Variants in WDFY4 observed in about 807,000 individuals in gnomAD.
WDFY4 encodes the protein WD repeat- and FYVE domain-containing protein 4.
Under a neutral mutation model 351.9 loss-of-function variants are expected in WDFY4, and 169 were observed. That is an observed-to-expected ratio of 0.48 (90% CI 0.42 to 0.55). The LOEUF is 0.55. Among genes scored for constraint, WDFY4 ranks in the 20% least tolerant of loss-of-function variants. WDFY4 has a pLI of 0.00. For missense variants in WDFY4, 3,803 were observed against 3,935.6 expected (o/e 0.97, Z 0.90); for synonymous variants, 1,622 against 1,574.6 (o/e 1.03, Z -0.71).
In WDFY4 at chr10:48,799,043, G is replaced by A. The variant is rs549435675; in HGVS notation, c.4410+2593G>A. ...CAACCGCTGCTGCCCCTTCTGAAGT[G>A]CTGTGGCCATGCTCAGCCAGTCTGG... On this transcript the variant is annotated intron_variant, in intron 24 of 61. Transcript: ENST00000325239. 2.6e-5 allele frequency among the ~76,000 whole-genome samples: 4 copies of A among 152,296 alleles called. No homozygotes were observed. The East Asian group carries it at 7.7e-4, about 29-fold the overall frequency.
rs2064896331 is a variant in WDFY4 at position 48,742,887 on chromosome 10, A to G, written c.1879-81A>G. 21 of 1,314,490 alleles carry G rather than the reference A, an allele frequency of 1.6e-5. No homozygotes were observed. The South Asian group carries it at 2.9e-4, about 18-fold the overall frequency. 81.4% of individuals were successfully genotyped at this position (1,314,490 alleles called of 1,614,324 possible). On this transcript the variant is annotated intron_variant, in intron 11 of 61. Transcript: ENST00000325239. The stretch of plus-strand genomic sequence containing the variant: ...AGTCGTTGAGGGAAGAGCTAGTGGG[A>G]CGCTCTGGCAGGAATGTGTGTGGGC...
chr10:48,758,192 T>C (rs550767844), intron 12 of WDFY4, among the ~76,000 whole-genome samples: 2 of 152,178 alleles, frequency 1.3e-5, no homozygotes, highest in Non-Finnish European at 2.9e-5. Context: ...TCTGGAAGCA[T>C]GTGGATATGG....
chr10:48,879,316 A>G (rs1395269403), intron 43 of WDFY4, among the ~76,000 whole-genome samples: 3 of 152,224 alleles, frequency 2.0e-5, no homozygotes, highest in African/African-American at 4.8e-5. Context: ...GGCAGAGGCC[A>G]GGGCTACTGC....
intron 53 of WDFY4, among the ~76,000 whole-genome samples, chr10:48,960,735 A>G (rs1170392252): frequency 6.6e-6 from 1 of 152,256 alleles, no homozygotes; most frequent in Non-Finnish European, 1.5e-5. Flanking sequence ...ACTCAGCAGT[A>G]AAAAGGAGCA....
intron 47 of WDFY4, among the ~76,000 whole-genome samples, chr10:48,922,451 A>G (rs1357670953): frequency 6.6e-6 from 1 of 152,178 alleles, no homozygotes; most frequent in African/African-American, 2.4e-5. Flanking sequence ...AAAACAAATC[A>G]TATGCTGAGG....
intron 50 of WDFY4, 147 bp from the exon 51 acceptor site, chr10:48,946,713 T>G: frequency 3.1e-6 from 2 of 635,684 alleles, no homozygotes; most frequent in Non-Finnish European, 5.5e-6. Context: ...TCTTATTGCC[T>G]GAATGTTTTA....
chr10:48,832,770 CAT>C, intron 39 of WDFY4, 61 bp downstream of exon 39: 1 of 1,437,554 alleles, frequency 7.0e-7, no homozygotes, highest in Non-Finnish European at 9.2e-7. Flanking sequence ...CCCCATGAGT[CAT>C]ATCTCTTCTT....
At position 48,699,547 on chromosome 10, in the gene WDFY4, A is replaced by C. The variant is rs77785395; in HGVS notation, c.-17-10169A>C. Among the ~76,000 whole-genome samples, 600 of 152,266 alleles carry C rather than the reference A, an allele frequency of 3.9e-3. 6 individuals carry two copies. The highest frequency in any genetic ancestry group is 0.014 in the African/African-American group (584 of 41,548). The stretch of plus-strand genomic sequence containing the variant: ...GTGGAGAGGTTTTGGAGGCAGACAG[A>C]TCTGGACCTCAGTGAGTTGCAGGCT... On this transcript the variant is annotated intron_variant, in intron 1 of 61. Transcript: ENST00000325239.
chr10:48,719,851 G>A (rs1465855670), intron 2 of WDFY4, among the ~76,000 whole-genome samples, 160 bp from the exon 3 acceptor site: 1 of 152,218 alleles, frequency 6.6e-6, no homozygotes, highest in Non-Finnish European at 1.5e-5. Flanking sequence ...AGGGATGATG[G>A]TTGAGGCTGT....
At chr10:48,724,823 TA>T (rs531046464) in intron 5 of WDFY4, among the ~76,000 whole-genome samples, 125 of 152,198 alleles carry the variant, frequency 8.2e-4, no homozygotes, top group African/African-American at 3.0e-3. Context: ...TGTTAGCAAT[TA>T]AAAAAATAGA....
chr10:48,707,858 C>T (rs1211152610), intron 1 of WDFY4, among the ~76,000 whole-genome samples: 1 of 152,116 alleles, frequency 6.6e-6, no homozygotes, highest in Non-Finnish European at 1.5e-5. Context: ...CACAGCCAGA[C>T]AGGAGCCCAC....
At chr10:48,810,834 T>A in intron 29 of WDFY4, 99 bp downstream of exon 29, 1 of 1,264,386 alleles carries the variant, frequency 7.9e-7, no homozygotes, top group Non-Finnish European at 1.1e-6. Flanking sequence ...CCATCACAGC[T>A]CTGTGCAGCA....
At chr10:48,798,109 G>A (rs2066934231) in intron 24 of WDFY4, among the ~76,000 whole-genome samples, 1 of 152,106 alleles carries the variant, frequency 6.6e-6, no homozygotes, top group African/African-American at 2.4e-5. Flanking sequence ...AACACCACAG[G>A]GCTGCTACTG....
intron 1 of WDFY4, among the ~76,000 whole-genome samples, chr10:48,692,337 G>T (rs971631830): frequency 2.6e-5 from 4 of 152,130 alleles, no homozygotes; most frequent in African/African-American, 9.7e-5. Flanking sequence ...GGAACAGAAG[G>T]GCGGGACAGT....
intron 53 of WDFY4, among the ~76,000 whole-genome samples, chr10:48,963,129 G>A (rs1055556115): frequency 1.3e-5 from 2 of 152,164 alleles, no homozygotes; most frequent in African/African-American, 2.4e-5. Flanking sequence ...AACCACACAT[G>A]AGCCTGCCCT....
intron 43 of WDFY4, among the ~76,000 whole-genome samples, chr10:48,887,778 CA>C (rs11352403): frequency 0.86 from 117,937 of 137,238 alleles, 52,009 homozygotes; most frequent in East Asian, 0.97. Context: ...GACTCCATCT[CA>C]AAAAAAAAAA....
At chr10:48,742,797 G>T (rs181989375) in intron 11 of WDFY4, among the ~76,000 whole-genome samples, 171 bp from the exon 12 acceptor site, 256 of 152,284 alleles carry the variant, frequency 1.7e-3, no homozygotes, top group Non-Finnish European at 3.0e-3. Flanking sequence ...AACCTAAACC[G>T]TAAGAGGAAC....
chr10:48,828,283 G>A (rs887244490), intron 36 of WDFY4, among the ~76,000 whole-genome samples: 14 of 152,182 alleles, frequency 9.2e-5, no homozygotes, highest in Admixed American at 7.9e-4. Flanking sequence ...TAAAATGCTA[G>A]GCTTGTGTCC....
intron 60 of WDFY4, chr10:48,979,532 A>G (rs1023928202): frequency 6.6e-6 from 1 of 152,006 alleles, no homozygotes; most frequent in Admixed American, 6.6e-5. Context: ...CTGAGAAAGA[A>G]TGCTGGATGG....
Sources: allele counts gnomAD v4.1 joint callset (sites outside exome capture counted in the v4.1 genomes callset), GRCh38; gene constraint gnomAD v4.1.1; transcripts MANE v1.5; gene names NCBI Gene and HGNC (gene_info 2026-07-23, HGNC 2026-07-21).